Variants in MFHAS1 observed in about 807,000 individuals in gnomAD.
The protein encoded by MFHAS1 is multifunctional ROCO family signaling regulator 1.
A neutral mutation model predicts 70.4 loss-of-function variants in MFHAS1; 50 were observed. The ratio of observed to expected loss-of-function variants is 0.71; its 90% confidence interval spans 0.57 to 0.90. The LOEUF (loss-of-function observed/expected upper bound fraction) is 0.90, where lower values mean the gene tolerates loss of function less well. MFHAS1 is among the 40% of genes least tolerant of loss of function. MFHAS1 has a pLI of 0.00. For missense variants in MFHAS1, 1,795 were observed against 1,347.6 expected, an observed-to-expected ratio of 1.33 and a Z score of -5.20; for synonymous variants, 952 against 620.0, an observed-to-expected ratio of 1.54 and a Z score of -7.96.
intron 1 of MFHAS1, among the ~76,000 whole-genome samples, chr8:8,820,554 A>G (rs1195039210): frequency 6.6e-6 from 1 of 152,058 alleles, no homozygotes; most frequent in East Asian, 1.9e-4. Context: ...AAACAATTTT[A>G]CGTAAGTAGA....
rs1443126061 is a variant in MFHAS1 at position 8,786,181 on chromosome 8, G to C, written c.3126-126C>G. Reference sequence around the variant, plus strand: ...GCACATATTTTCATTTCTACTTCCAGGACTCATTATAAACATGTAAATGTC... The same window carrying C: ...GCACATATTTTCATTTCTACTTCCACGACTCATTATAAACATGTAAATGTC... On this transcript the variant is annotated intron_variant, in intron 2 of 2. Transcript: ENST00000276282. 3.7e-5 allele frequency: 33 copies of C among 892,838 alleles called. 1 individual carries two copies. The highest frequency in any genetic ancestry group is 1.0e-4 in the Admixed American group (5 of 48,320). 55.3% of individuals were successfully genotyped at this position (892,838 alleles called of 1,614,324 possible).
At chr8:8,885,463 C>T (rs1170298883) in intron 1 of MFHAS1, among the ~76,000 whole-genome samples, 2 of 152,130 alleles carry the variant, frequency 1.3e-5, no homozygotes, top group East Asian at 1.9e-4. Flanking sequence ...TGCTGCAGGC[C>T]CGTGTCCTAA....
chr8:8,831,266 G>A (rs75667239), intron 1 of MFHAS1, among the ~76,000 whole-genome samples: 5,489 of 151,936 alleles, frequency 0.036, 158 homozygotes, highest in East Asian at 0.1. Context: ...TTGGGGGTTG[G>A]GGCTTCAACA....
intron 1 of MFHAS1, among the ~76,000 whole-genome samples, chr8:8,852,793 C>G (rs1428938374): frequency 6.6e-6 from 1 of 152,184 alleles, no homozygotes; most frequent in Non-Finnish European, 1.5e-5. Flanking sequence ...TCTAGCTTGG[C>G]TGACATCAGA....
intron 1 of MFHAS1, among the ~76,000 whole-genome samples, chr8:8,828,041 C>A (rs1297231529): frequency 2.0e-5 from 3 of 152,038 alleles, no homozygotes; most frequent in African/African-American, 7.3e-5. Flanking sequence ...TTACTTCCCC[C>A]GGTGATTAGG....
At chr8:8,820,964 G>C (rs1284909971) in intron 1 of MFHAS1, among the ~76,000 whole-genome samples, 1 of 152,210 alleles carries the variant, frequency 6.6e-6, no homozygotes, top group Non-Finnish European at 1.5e-5. Context: ...GCAAGACCTG[G>C]CAATGCTTCT....
At chr8:8,814,643 A>G (rs1363630558) in intron 1 of MFHAS1, among the ~76,000 whole-genome samples, 1 of 152,236 alleles carries the variant, frequency 6.6e-6, no homozygotes, top group East Asian at 1.9e-4. Flanking sequence ...GTATCTGATA[A>G]AAGACCTATG....
chr8:8,887,283 C>T (rs1242172764), intron 1 of MFHAS1, among the ~76,000 whole-genome samples: 1 of 152,018 alleles, frequency 6.6e-6, no homozygotes, highest in East Asian at 1.9e-4. Flanking sequence ...AATTCTGTTC[C>T]CACATTTAGC....
chr8:8,861,164 C>G (rs1808646310), intron 1 of MFHAS1, among the ~76,000 whole-genome samples: 1 of 152,188 alleles, frequency 6.6e-6, no homozygotes, highest in Admixed American at 6.5e-5. Context: ...ATCTACCGAA[C>G]TGAATTAAAG....
At chr8:8,883,440 G>A (rs1235790495) in intron 1 of MFHAS1, among the ~76,000 whole-genome samples, 8 of 151,050 alleles carry the variant, frequency 5.3e-5, no homozygotes, top group Non-Finnish European at 1.2e-4. Context: ...AGGCGCAGTG[G>A]CTCATGCCTG....
At chr8:8,886,095 A>C (rs1279616217) in intron 1 of MFHAS1, among the ~76,000 whole-genome samples, 2 of 152,226 alleles carry the variant, frequency 1.3e-5, no homozygotes, top group African/African-American at 4.8e-5. Context: ...TATTTTAAAT[A>C]AGACAAATAG....
At chr8:8,850,978 G>A (rs1344520911) in intron 1 of MFHAS1, among the ~76,000 whole-genome samples, 2 of 152,018 alleles carry the variant, frequency 1.3e-5, no homozygotes, top group Non-Finnish European at 2.9e-5. Context: ...TCCATCTGTG[G>A]TTTTACCACC....
At chr8:8,851,095 G>A (rs1010755142) in intron 1 of MFHAS1, among the ~76,000 whole-genome samples, 3 of 152,178 alleles carry the variant, frequency 2.0e-5, no homozygotes, top group South Asian at 2.1e-4. Context: ...GAGGTTAGGA[G>A]AAAATCCCAA....
chr8:8,866,463 C>A (rs1425815121), intron 1 of MFHAS1, among the ~76,000 whole-genome samples: 1 of 152,102 alleles, frequency 6.6e-6, no homozygotes, highest in Non-Finnish European at 1.5e-5. Context: ...CAACTACAGG[C>A]ATGCACCACC....
At chr8:8,845,647 T>G (rs929567523) in intron 1 of MFHAS1, among the ~76,000 whole-genome samples, 2 of 152,180 alleles carry the variant, frequency 1.3e-5, no homozygotes, top group Admixed American at 6.5e-5. Context: ...ACTTAATATT[T>G]CCCTATCTTA....
chr8:8,863,267 AAT>A (rs1396507877), intron 1 of MFHAS1, among the ~76,000 whole-genome samples: 3 of 152,214 alleles, frequency 2.0e-5, no homozygotes, highest in Admixed American at 2.0e-4. Context: ...TGTAACTTAG[AAT>A]ACAGTACTGA....
intron 1 of MFHAS1, among the ~76,000 whole-genome samples, chr8:8,800,004 A>T (rs1424822399): frequency 6.6e-6 from 1 of 152,198 alleles, no homozygotes; most frequent in African/African-American, 2.4e-5. Flanking sequence ...TGAACTTGGG[A>T]ACCCACTTCT....
Position 8,891,188 on chromosome 8 carries a change from A to C in MFHAS1, c.1871T>G (p.Val624Gly). Reference sequence around the variant, plus strand: ...CGGGTCCCTGCAGCTAACAGGCAACACGGGGGAGAGGATCTGCAGCCGGTG... The same window carrying C: ...CGGGTCCCTGCAGCTAACAGGCAACCCGGGGGAGAGGATCTGCAGCCGGTG... ...LNHRLQILSPVLPVSCRDPRH... is the reference protein window; with the variant it reads ...LNHRLQILSPGLPVSCRDPRH... Residue 624 changes from valine to glycine, a missense_variant, in exon 1 of 3, where the codon GTG becomes GGG. Physicochemically the swap from Val to Gly is moderately radical, Grantham distance 109 (BLOSUM62 -3). Transcript: ENST00000276282. The surrounding 1 kb of genome is among the most constrained non-coding windows in gnomAD (Gnocchi z 5.4). 1 of 1,613,076 alleles carries C rather than the reference A, an allele frequency of 6.2e-7. No homozygotes were observed. The highest frequency in any genetic ancestry group is 8.5e-7 in the Non-Finnish European group (1 of 1,180,020).
rs79225327 is a variant in MFHAS1, at chr8:8,852,699, G to A, written c.2998+37362C>T. Among the ~76,000 whole-genome samples, 1,107 of 152,184 alleles carry A rather than the reference G, an allele frequency of 7.3e-3. 14 individuals carry two copies. The highest frequency in any genetic ancestry group is 0.026 in the African/African-American group (1,060 of 41,514). ...CTTTTAATAACCATGCATTAATTCC[G>A]TTCTGAAGTCCAGAGAAAAAGCTTT... On this transcript the variant is annotated intron_variant, in intron 1 of 2. Coordinates refer to ENST00000276282, the MANE Select transcript of MFHAS1 (RefSeq NM_004225.3).
Sources: gnomAD v4.1 joint callset for allele counts (sites outside exome capture counted in the v4.1 genomes callset) on GRCh38, gnomAD v4.1.1 for gene constraint, Gnocchi (gnomAD v3.1) non-coding constraint, MANE v1.5 for transcripts, NCBI Gene and HGNC (gene_info 2026-07-23, HGNC 2026-07-21) for gene names.